Variants in ELP6 observed in about 807,000 individuals in gnomAD.
ELP6 encodes elongator complex protein 6.
ELP6 carries 23 observed loss-of-function variants against 28.1 expected under a neutral mutation model. The ratio of observed to expected loss-of-function variants is 0.82; its 90% CI spans 0.59 to 1.16. The LOEUF is 1.16. Ranked by LOEUF, ELP6 falls within the 50% of genes most tolerant of loss-of-function variation. The pLI is 0.00. For synonymous variants in ELP6, 132 were observed against 135.8 expected (o/e 0.97, Z 0.19); for missense variants, 313 against 334.6 (o/e 0.94, Z 0.50).
intron 5 of ELP6, among the ~76,000 whole-genome samples, chr3:47,498,947 A>T (rs1708558462): frequency 1.3e-5 from 2 of 152,350 alleles, no homozygotes. Context: ...GCAGGTCAGG[A>T]GGTGAGCTCA....
chr3:47,498,335 A>G lies in ELP6; in HGVS notation c.623T>C (p.Leu208Pro). Residue 208 changes from leucine to proline, a missense_variant, in exon 6 of 7, where the codon CTG becomes CCG. Leu to Pro is a moderately conservative substitution (Grantham distance 98). Transcript: ENST00000296149. Reference sequence around the variant, plus strand: ...GCCAGTGGCCAGGCCCTCAGCCCGCAGTATCAGATGGCTCTGATGACTGAG... The same window carrying G: ...GCCAGTGGCCAGGCCCTCAGCCCGCGGTATCAGATGGCTCTGATGACTGAG... ...NGLSHQSHLI[L>P]RAEGLATGFC... 1 of 1,613,798 alleles carries G rather than the reference A, an allele frequency of 6.2e-7. No homozygotes were observed. Among genetic ancestry groups the G allele is most frequent in the Non-Finnish European group, 8.5e-7 (1 of 1,180,030 alleles).
intron 3 of ELP6, 96 bp from the exon 4 acceptor site, chr3:47,504,544 T>A (rs1708771091): frequency 7.0e-7 from 1 of 1,423,388 alleles, no homozygotes. Context: ...CCTTCCAAAC[T>A]TGGCAGAAGT....
At chr3:47,513,293 C>T in intron 1 of ELP6, 1 of 1,343,820 alleles carries the variant, frequency 7.4e-7, no homozygotes. Context: ...CGCCCGGCCG[C>T]TTCCCAGGGA....
intron 4 of ELP6, among the ~76,000 whole-genome samples, chr3:47,503,757 G>T (rs1014219714): frequency 1.3e-5 from 2 of 152,036 alleles, no homozygotes; most frequent in African/African-American, 4.8e-5. Context: ...GGGCATGGTG[G>T]CGGGCGCCTG....
Position 47,495,966 on chromosome 3 carries a change from C to G in ELP6, c.*103G>C. 1 of 1,589,824 alleles carries G rather than the reference C, an allele frequency of 6.3e-7. No homozygotes were observed. Among genetic ancestry groups the G allele is most frequent in the South Asian group, 1.1e-5 (1 of 88,432 alleles). On this transcript the variant is annotated 3_prime_UTR_variant, in exon 7 of 7. Transcript: ENST00000296149. ...GGTCACAGTGGAGTCGCCGGTCCAGCCTGAAATATTACTACAGAGGAGAAA... is the reference window on the plus strand; with the variant it reads ...GGTCACAGTGGAGTCGCCGGTCCAGGCTGAAATATTACTACAGAGGAGAAA...
At chr3:47,513,229 T>A in intron 1 of ELP6, 1 of 1,231,308 alleles carries the variant, frequency 8.1e-7, no homozygotes, top group Non-Finnish European at 1.0e-6. Context: ...TGACCTTAGA[T>A]GATGCACCCG....
At chr3:47,510,955 C>T (rs552050326) in intron 2 of ELP6, among the ~76,000 whole-genome samples, 193 bp downstream of exon 2, 1 of 152,294 alleles carries the variant, frequency 6.6e-6, no homozygotes, top group South Asian at 2.1e-4. Flanking sequence ...GAGCACATGC[C>T]ACTCTTTGGC....
At chr3:47,509,488 C>G (rs756366677) in intron 3 of ELP6, among the ~76,000 whole-genome samples, 1 of 152,166 alleles carries the variant, frequency 6.6e-6, no homozygotes. Flanking sequence ...GGGCAGGAAA[C>G]GAAAGTCCCT....
At chr3:47,500,820 T>A (rs185343839) in intron 5 of ELP6, among the ~76,000 whole-genome samples, 93 of 152,316 alleles carry the variant, frequency 6.1e-4, no homozygotes, top group Middle Eastern at 3.4e-3. Context: ...CACTGCTGGA[T>A]ACCCACACAC....
Position 47,513,632 on chromosome 3 carries a change from T to C in ELP6, c.-42A>G, listed in dbSNP as rs775637029. On this transcript the variant is annotated 5_prime_UTR_variant, in exon 1 of 7. Transcript: ENST00000296149. ...TAGCGCTCTGGAGGAGAACCCGGAG[T>C]GCTGCAGAGACGACGGAGGCTGGAG... The C allele has an allele frequency of 6.2e-7, 1 of 1,611,366 alleles. No individual in the cohort carries two copies. Among genetic ancestry groups the C allele is most frequent in the Non-Finnish European group, 8.5e-7 (1 of 1,178,524 alleles).
At chr3:47,511,865 A>T in intron 1 of ELP6, 1 of 985,656 alleles carries the variant, frequency 1.0e-6, no homozygotes, top group Non-Finnish European at 1.2e-6. Context: ...GTCAGGATCA[A>T]GTGATATCAT....
In ELP6 at chr3:47,511,221, T is replaced by C. The variant is rs1480016769; in HGVS notation, c.60A>G (p.Lys20=). 1.9e-6 allele frequency: 3 copies of C among 1,613,920 alleles called. No homozygotes were observed. In the East Asian group the frequency reaches 6.7e-5, roughly 36 times the overall value. The change falls in exon 2 of 7, where the codon AAA becomes AAG. Residue 20 remains lysine (K), a synonymous_variant. Coordinates refer to ENST00000296149, the MANE Select transcript of ELP6 (RefSeq NM_001031703.3). Reference sequence around the variant, plus strand: ...TCTTGGCATCACAGAGTAGAGTCAGTTTCCCCTAAAAGTTACAAGGAACAC... The same window carrying C: ...TCTTGGCATCACAGAGTAGAGTCAGCTTCCCCTAAAAGTTACAAGGAACAC... ...NTTPDRAEQG[K]LTLLCDAKTD...
intron 3 of ELP6, among the ~76,000 whole-genome samples, chr3:47,504,956 T>A (rs1708783131): frequency 6.6e-6 from 1 of 151,676 alleles, no homozygotes; most frequent in Non-Finnish European, 1.5e-5. Flanking sequence ...CGAAACCCTG[T>A]CTCAAAAAGA....
chr3:47,504,157 G>T, intron 4 of ELP6, 173 bp downstream of exon 4: 1 of 765,854 alleles, frequency 1.3e-6, no homozygotes, highest in Non-Finnish European at 2.0e-6. Context: ...TCCACCCTCA[G>T]CCCCATGATA....
At chr3:47,511,755 G>A in intron 1 of ELP6, 1 of 980,980 alleles carries the variant, frequency 1.0e-6, no homozygotes, top group South Asian at 4.4e-5. Context: ...TGCTTCAGAG[G>A]CCTGATCATG....
At chr3:47,510,362 G>A in intron 2 of ELP6, 108 bp from the exon 3 acceptor site, 3 of 827,016 alleles carry the variant, frequency 3.6e-6, no homozygotes, top group Non-Finnish European at 3.8e-6. Context: ...AGACCCAGAG[G>A]CTTTGCAACC....
intron 6 of ELP6, chr3:47,497,967 G>A (rs1191602710): frequency 8.9e-5 from 88 of 985,124 alleles, no homozygotes; most frequent in African/African-American, 1.9e-4. Context: ...AATAGACGAC[G>A]CCTGCTGCAG....
At chr3:47,513,316 C>A in intron 1 of ELP6, 1 of 1,373,964 alleles carries the variant, frequency 7.3e-7, no homozygotes. Context: ...TTTAAGGACA[C>A]GCACAGCCGT....
intron 5 of ELP6, chr3:47,500,318 G>A: frequency 1.2e-6 from 1 of 865,120 alleles, no homozygotes; most frequent in Non-Finnish European, 1.4e-6. Context: ...GAGAGGCCGA[G>A]GCAGTAGAAT....
Sources: allele counts gnomAD v4.1 joint callset (sites outside exome capture counted in the v4.1 genomes callset), GRCh38; gene constraint gnomAD v4.1.1; transcripts MANE v1.5; gene names NCBI Gene and HGNC (gene_info 2026-07-23, HGNC 2026-07-21).